CNTNAP4: variants seen among roughly 807,000 people sequenced by gnomAD.
CNTNAP4 encodes contactin-associated protein-like 4.
In CNTNAP4, 98 loss-of-function variants were observed where a neutral mutation model predicts 148.4. The ratio of observed to expected loss-of-function variants is 0.66; its 90% CI spans 0.56 to 0.78. The LOEUF (loss-of-function observed/expected upper bound fraction) is 0.78. Ranked by LOEUF, CNTNAP4 falls within the 30% of genes least tolerant of loss-of-function variation. The probability of loss-of-function intolerance (pLI) is 0.00; values close to 1 mark genes in which losing one functional copy is unlikely to be tolerated. For synonymous variants in CNTNAP4, 730 were observed against 565.1 expected, an observed-to-expected ratio of 1.29 and a Z score of -4.14; for missense variants, 1,935 against 1,565.6, an observed-to-expected ratio of 1.24 and a Z score of -3.98.
At chr16:76,360,358 T>C (rs2013254693) in intron 3 of CNTNAP4, among the ~76,000 whole-genome samples, 1 of 152,192 alleles carries the variant, frequency 6.6e-6, no homozygotes, top group African/African-American at 2.4e-5. Flanking sequence ...GATTTCCACA[T>C]GCATTTGTTT....
At chr16:76,552,055 G>A (rs561726450) in intron 21 of CNTNAP4, among the ~76,000 whole-genome samples, 5 of 152,116 alleles carry the variant, frequency 3.3e-5, no homozygotes, top group Non-Finnish European at 7.3e-5. Context: ...ACTTATAATC[G>A]GAAAGCAACT....
At position 76,448,832 on chromosome 16, in the gene CNTNAP4, C is replaced by G; in HGVS notation, c.808C>G (p.Gln270Glu). The part of the protein sequence containing the change: ...NLTLGSLLDD[Q>E]HWHSVLIQRL... The stretch of plus-strand genomic sequence containing the variant: ...CACCCTGGGCAGCCTGCTAGATGAT[C>G]AGCATTGGCATTCAGTGCTCATCCA... Residue 270 changes from glutamine (Q) to glutamate (E), a missense_variant, in exon 6 of 24, where the codon CAG becomes GAG. Physicochemically the swap from Gln to Glu is conservative, Grantham distance 29. Coordinates refer to ENST00000611870, the MANE Select transcript of CNTNAP4 (RefSeq NM_033401.5). The G allele has an allele frequency of 6.2e-7, 1 of 1,612,720 alleles. No homozygotes were observed. The highest frequency in any genetic ancestry group is 8.5e-7 in the Non-Finnish European group (1 of 1,179,432).
intron 1 of CNTNAP4, among the ~76,000 whole-genome samples, chr16:76,281,230 T>TC (rs1193646860): frequency 6.6e-6 from 1 of 151,736 alleles, no homozygotes; most frequent in South Asian, 2.1e-4. Flanking sequence ...TTTCTTTTCC[T>TC]CCCCCCACCA....
intron 3 of CNTNAP4, among the ~76,000 whole-genome samples, chr16:76,387,466 C>T (rs1229640753): frequency 6.6e-6 from 1 of 152,122 alleles, no homozygotes; most frequent in East Asian, 1.9e-4. Flanking sequence ...TTGATTTTCT[C>T]TCATTATTTT....
intron 23 of CNTNAP4, chr16:76,557,731 C>T (rs964057274): frequency 5.3e-5 from 8 of 151,986 alleles, no homozygotes; most frequent in East Asian, 1.9e-4. Flanking sequence ...AATTTGGTTC[C>T]GTATTAAAAT....
chr16:76,355,147 T>A (rs539760879), intron 2 of CNTNAP4, among the ~76,000 whole-genome samples, 171 bp from the exon 3 acceptor site: 1 of 152,358 alleles, frequency 6.6e-6, no homozygotes, highest in South Asian at 2.1e-4. Flanking sequence ...AGACATCATA[T>A]AATTATACTA....
intron 1 of CNTNAP4, among the ~76,000 whole-genome samples, chr16:76,305,206 A>G (rs1298520740): frequency 2.6e-5 from 4 of 152,218 alleles, no homozygotes; most frequent in African/African-American, 9.6e-5. Flanking sequence ...AAAAGTGATC[A>G]TATAGTTATT....
In CNTNAP4 at chr16:76,448,137, C is replaced by G; in HGVS notation, c.664C>G (p.Leu222Val). ...AACCATGCAGAGTGATGGGATTCTA[C>G]TCCACAGGGAAGGGCCAAATGGAGA... The part of the protein sequence containing the change: ...FKTMQSDGIL[L>V]HREGPNGDHI... The change falls in exon 5 of 24, where the codon CTC (leucine) becomes GTC (valine). Residue 222 changes from leucine to valine, a missense_variant. By Grantham distance (32) the Leu-to-Val change is conservative (BLOSUM62 1). Transcript: ENST00000611870. 2 of 1,613,388 alleles carry G rather than the reference C, an allele frequency of 1.2e-6. No individual in the cohort carries two copies. Among genetic ancestry groups the G allele is most frequent in the Non-Finnish European group, 8.5e-7 (1 of 1,179,414 alleles).
At chr16:76,557,459 A>G (rs1269580320) in intron 23 of CNTNAP4, 3 of 152,214 alleles carry the variant, frequency 2.0e-5, no homozygotes, top group African/African-American at 2.4e-5. Flanking sequence ...CACCAGAAGT[A>G]CTTTATTTCT....
At position 76,379,906 on chromosome 16, in the gene CNTNAP4, T is replaced by G. The variant is rs189811022; in HGVS notation, c.390+24395T>G. 1.6e-3 allele frequency among the ~76,000 whole-genome samples: 243 copies of G among 152,334 alleles called. 1 individual carries two copies. Among genetic ancestry groups the G allele is most frequent in the Middle Eastern group, 6.8e-3 (2 of 294 alleles). ...TCTTAAGTTCAGATTTTCAAAGATATGCTTAACTTCTAGATAATGGTGTGG... is the reference window on the plus strand; with the variant it reads ...TCTTAAGTTCAGATTTTCAAAGATAGGCTTAACTTCTAGATAATGGTGTGG... On this transcript the variant is annotated intron_variant, in intron 3 of 23. Coordinates refer to ENST00000611870, the MANE Select transcript of CNTNAP4 (RefSeq NM_033401.5).
chr16:76,493,744 T>C (rs1200203719), intron 13 of CNTNAP4, among the ~76,000 whole-genome samples: 1 of 152,244 alleles, frequency 6.6e-6, no homozygotes, highest in Non-Finnish European at 1.5e-5. Context: ...AGATTCTTCA[T>C]ATTAATGCAT....
intron 4 of CNTNAP4, among the ~76,000 whole-genome samples, chr16:76,439,609 G>T (rs1430176348): frequency 6.6e-6 from 1 of 152,090 alleles, no homozygotes; most frequent in East Asian, 1.9e-4. Context: ...CTGTTTAAAA[G>T]ATTAATTTAC....
intron 10 of CNTNAP4, among the ~76,000 whole-genome samples, chr16:76,469,322 G>T (rs951149957): frequency 1.2e-4 from 18 of 152,162 alleles, no homozygotes; most frequent in Admixed American, 3.3e-4. Flanking sequence ...GGGTCCGTTT[G>T]TTGTGAACTT....
intron 1 of CNTNAP4, among the ~76,000 whole-genome samples, chr16:76,282,874 G>GT (rs543276431): frequency 8.0e-5 from 12 of 150,224 alleles, no homozygotes; most frequent in East Asian, 5.9e-4. Flanking sequence ...CATTTTTTCA[G>GT]TTTTTTTTCA....
chr16:76,447,804 T>A (rs1410607488), intron 4 of CNTNAP4, among the ~76,000 whole-genome samples: 2 of 152,208 alleles, frequency 1.3e-5, no homozygotes, highest in African/African-American at 4.8e-5. Flanking sequence ...GTTTGGTGGG[T>A]TACATGTATT....
rs186351555 is a variant in CNTNAP4, at chr16:76,370,009, A to G, written c.390+14498A>G. On this transcript the variant is annotated intron_variant, in intron 3 of 23. Transcript: ENST00000611870. ...TGCAATCTCTTCTGGAAACACCCTC[A>G]CAGACATACTCAGAAATAATATTTT... 2.6e-5 allele frequency among the ~76,000 whole-genome samples: 4 copies of G among 152,280 alleles called. No individual in the cohort carries two copies. The East Asian group carries it at 7.7e-4, about 29-fold the overall frequency.
intron 17 of CNTNAP4, among the ~76,000 whole-genome samples, chr16:76,530,035 G>T (rs1390192310): frequency 1.3e-5 from 2 of 151,776 alleles, no homozygotes; most frequent in African/African-American, 4.8e-5. Context: ...CTATGAGATT[G>T]TCTTATTTTT....
At chr16:76,520,871 C>A (rs765760604) in intron 15 of CNTNAP4, among the ~76,000 whole-genome samples, 1 of 151,978 alleles carries the variant, frequency 6.6e-6, no homozygotes, top group Non-Finnish European at 1.5e-5. Context: ...ATATTTGTTC[C>A]GTATAAAATA....
At chr16:76,316,318 G>A (rs1333832512) in intron 1 of CNTNAP4, 95 bp from the exon 2 acceptor site, 3 of 776,926 alleles carry the variant, frequency 3.9e-6, no homozygotes, top group African/African-American at 3.4e-5. Flanking sequence ...CCTAGTTTTT[G>A]ATGTTGTTGT....
Sources: allele counts gnomAD v4.1 joint callset (sites outside exome capture counted in the v4.1 genomes callset), GRCh38; gene constraint gnomAD v4.1.1; transcripts MANE v1.5; gene names NCBI Gene and HGNC (gene_info 2026-07-23, HGNC 2026-07-21).